The following FYN variants were observed in gnomAD, a reference collection of about 807,000 sequenced individuals.
The protein encoded by FYN is tyrosine-protein kinase Fyn.
Under a neutral mutation model 70.2 loss-of-function variants are expected in FYN, and 10 were observed. That is an observed-to-expected ratio of 0.14 (90% CI 0.09 to 0.24). The LOEUF is 0.24. FYN is among the 10% of genes least tolerant of loss of function. The probability of loss-of-function intolerance (pLI) is 1.00; values close to 1 mark genes in which losing one functional copy is unlikely to be tolerated. For missense variants in FYN, 319 were observed against 673.1 expected (o/e 0.47, Z 5.82); for synonymous variants, 236 against 248.6 (o/e 0.95, Z 0.48).
At chr6:111,840,204 C>G (rs554483101) in intron 2 of FYN, among the ~76,000 whole-genome samples, 8 of 152,298 alleles carry the variant, frequency 5.3e-5, no homozygotes, top group South Asian at 4.1e-4. Context: ...AAAATGCCCC[C>G]CAAAAGGTAT....
rs1043726901 is a variant in FYN at position 111,790,005 on chromosome 6, T to C, written c.-81-9370A>G. ...CCCCTTGAGTTTAGGTTGGCTACAA[T>C]ATCAGAATCCCAGAACCTTGGGGCT... On this transcript the variant is annotated intron_variant, in intron 2 of 13. Transcript: ENST00000354650. 2.6e-5 allele frequency among the ~76,000 whole-genome samples: 4 copies of C among 152,056 alleles called. No homozygotes were observed. In the East Asian group the frequency reaches 7.7e-4, roughly 29 times the overall value.
At chr6:111,783,189 G>A (rs1179455686) in intron 2 of FYN, among the ~76,000 whole-genome samples, 4 of 152,174 alleles carry the variant, frequency 2.6e-5, no homozygotes, top group South Asian at 2.1e-4. Context: ...AACGAATAGA[G>A]CATAATGACT....
intron 3 of FYN, among the ~76,000 whole-genome samples, chr6:111,741,472 T>C (rs1172422837): frequency 2.0e-5 from 3 of 152,246 alleles, no homozygotes; most frequent in Non-Finnish European, 1.5e-5. Context: ...TCTCAGGATG[T>C]TGAGTTTTGG....
At chr6:111,747,549 T>C (rs1465412669) in intron 3 of FYN, among the ~76,000 whole-genome samples, 1 of 152,204 alleles carries the variant, frequency 6.6e-6, no homozygotes, top group African/African-American at 2.4e-5. Context: ...AACACATTAT[T>C]TGGGTCAGCT....
At chr6:111,826,603 T>C (rs1430512101) in intron 2 of FYN, among the ~76,000 whole-genome samples, 1 of 152,218 alleles carries the variant, frequency 6.6e-6, no homozygotes, top group Non-Finnish European at 1.5e-5. Context: ...TAACTCATAA[T>C]GGAAAAGTTC....
At position 111,826,371 on chromosome 6, in the gene FYN, T is replaced by G. The variant is rs1043228876; in HGVS notation, c.-82+20218A>C. On this transcript the variant is annotated intron_variant, in intron 2 of 13. Coordinates refer to ENST00000354650, the MANE Select transcript of FYN (RefSeq NM_002037.5). Reference sequence around the variant, plus strand: ...ACTTCTATATATGTGTATATGTGTATGTATGTGTATTTATGCACACACATG... The same window carrying G: ...ACTTCTATATATGTGTATATGTGTAGGTATGTGTATTTATGCACACACATG... Among the ~76,000 whole-genome samples, 67 of 147,624 alleles carry G rather than the reference T, an allele frequency of 4.5e-4. 1 individual carries two copies. The highest frequency in any genetic ancestry group is 6.5e-4 in the Non-Finnish European group (42 of 64,912).
chr6:111,800,053 A>G (rs1256626248), intron 2 of FYN, among the ~76,000 whole-genome samples: 1 of 152,234 alleles, frequency 6.6e-6, no homozygotes, highest in East Asian at 1.9e-4. Context: ...AGGGAGTTGT[A>G]AAAATTATCT....
At chr6:111,805,582 C>A (rs1276153333) in intron 2 of FYN, among the ~76,000 whole-genome samples, 3 of 152,082 alleles carry the variant, frequency 2.0e-5, no homozygotes, top group Non-Finnish European at 2.9e-5. Flanking sequence ...CCTACACTGG[C>A]CCCCTTTCTG....
At position 111,866,292 on chromosome 6, in the gene FYN, A is replaced by C. The variant is rs557611486; in HGVS notation, c.-123+6676T>G. Reference sequence around the variant, plus strand: ...GACCAGGTAACTTGGCCCAGCCCACACAGCTGGAAAGGGTCAAACCCGGAC... The same window carrying C: ...GACCAGGTAACTTGGCCCAGCCCACCCAGCTGGAAAGGGTCAAACCCGGAC... On this transcript the variant is annotated intron_variant, in intron 1 of 13. Coordinates refer to ENST00000354650, the MANE Select transcript of FYN (RefSeq NM_002037.5). Among the ~76,000 whole-genome samples, 53 of 152,294 alleles carry C rather than the reference A, an allele frequency of 3.5e-4. 1 individual carries two copies. The highest frequency in any genetic ancestry group is 1.3e-3 in the African/African-American group (52 of 41,552).
chr6:111,706,988 T>C (rs1010088833), intron 6 of FYN, among the ~76,000 whole-genome samples: 3 of 152,158 alleles, frequency 2.0e-5, no homozygotes, highest in East Asian at 1.9e-4. Context: ...AATTAAAGAA[T>C]AGAACAATCC....
At chr6:111,822,566 A>G (rs1233118953) in intron 2 of FYN, among the ~76,000 whole-genome samples, 1 of 152,086 alleles carries the variant, frequency 6.6e-6, no homozygotes, top group South Asian at 2.1e-4. Flanking sequence ...CCAACATGGC[A>G]CATGTATACA....
At position 111,699,735 on chromosome 6, in the gene FYN, G is replaced by C. The variant is rs190900955; in HGVS notation, c.862+369C>G. On this transcript the variant is annotated intron_variant, in intron 9 of 13. Coordinates refer to ENST00000354650, the MANE Select transcript of FYN (RefSeq NM_002037.5). ...TAATCCATAATTATGCATGCACTAG[G>C]AAAGATGGAAGGTGACTTGCCCGTT... 4.1e-6 allele frequency: 6 copies of C among 1,467,162 alleles called. No individual in the cohort carries two copies. In the African/African-American group the frequency reaches 7.0e-5, roughly 17 times the overall value. The allele number at this position is 1,467,162 out of a possible 1,614,324, so 90.9% of individuals were successfully genotyped here. A position where few individuals can be genotyped will look rare whatever the true frequency, so the allele number is the denominator to read the frequency against.
At chr6:111,827,334 G>C (rs1295845625) in intron 2 of FYN, among the ~76,000 whole-genome samples, 1 of 152,134 alleles carries the variant, frequency 6.6e-6, no homozygotes, top group Admixed American at 6.6e-5. Context: ...CTGGTTCAAA[G>C]ACTCTTTGGG....
intron 4 of FYN, among the ~76,000 whole-genome samples, chr6:111,714,839 T>C (rs1358220400): frequency 6.6e-6 from 1 of 152,216 alleles, no homozygotes; most frequent in African/African-American, 2.4e-5. Context: ...TTGGAGCCTA[T>C]GTTAGTTTCT....
In FYN at chr6:111,707,960, G is replaced by C; in HGVS notation, c.405C>G (p.Ser135Arg). The C allele has an allele frequency of 1.9e-6, 3 of 1,614,014 alleles. No individual in the cohort carries two copies. The highest frequency in any genetic ancestry group is 2.5e-6 in the Non-Finnish European group (3 of 1,179,888). The change falls in exon 6 of 14, where the codon AGC becomes AGG. Residue 135 changes from serine (S) to arginine (R), a missense_variant. By Grantham distance (110) the Ser-to-Arg change is moderately radical. Coordinates refer to ENST00000354650, the MANE Select transcript of FYN (RefSeq NM_002037.5). ...TAGAGTCAACTGGAGCCACATAATT[G>C]CTGGGAATGTAACCTGTCTCTCCAG... ...LTTGETGYIP[S>R]NYVAPVDSIQ...
At chr6:111,737,125 G>C (rs1801743718) in intron 3 of FYN, among the ~76,000 whole-genome samples, 1 of 152,166 alleles carries the variant, frequency 6.6e-6, no homozygotes, top group Admixed American at 6.5e-5. Context: ...AACAAACTTA[G>C]TTTCTCCTCT....
intron 2 of FYN, among the ~76,000 whole-genome samples, chr6:111,811,883 G>A (rs1747726902): frequency 6.6e-6 from 1 of 152,162 alleles, no homozygotes; most frequent in Non-Finnish European, 1.5e-5. Flanking sequence ...AGCAGAGGGA[G>A]CTGGTCTACA....
At chr6:111,868,209 G>A (rs959674099) in intron 1 of FYN, among the ~76,000 whole-genome samples, 1 of 151,906 alleles carries the variant, frequency 6.6e-6, no homozygotes, top group Non-Finnish European at 1.5e-5. Flanking sequence ...TTCTAACATT[G>A]GTCAGAGACT....
intron 13 of FYN, among the ~76,000 whole-genome samples, chr6:111,672,447 C>T (rs1304603346): frequency 6.6e-6 from 1 of 152,210 alleles, no homozygotes; most frequent in Non-Finnish European, 1.5e-5. Flanking sequence ...TTGAAGAGTC[C>T]CTCTCAGGAC....
Sources: gnomAD v4.1 joint callset for allele counts (sites outside exome capture counted in the v4.1 genomes callset) on GRCh38, gnomAD v4.1.1 for gene constraint, MANE v1.5 for transcripts, NCBI Gene and HGNC (gene_info 2026-07-23, HGNC 2026-07-21) for gene names.